The following SPTLC3 variants were observed in gnomAD, a reference collection of about 807,000 sequenced individuals.
SPTLC3 encodes the protein serine palmitoyltransferase long chain base subunit 3.
Under a neutral mutation model 59.3 loss-of-function variants are expected in SPTLC3, and 36 were observed. That is an observed-to-expected ratio of 0.61 (90% CI 0.47 to 0.80). The LOEUF (loss-of-function observed/expected upper bound fraction) is 0.80, where lower values mean the gene tolerates loss of function less well. Ranked by LOEUF, SPTLC3 falls within the 30% of genes least tolerant of loss-of-function variation. The probability of loss-of-function intolerance (pLI) is 0.00; values close to 1 mark genes in which losing one functional copy is unlikely to be tolerated. For missense variants in SPTLC3, 625 were observed against 685.1 expected (o/e 0.91, Z 0.98); for synonymous variants, 257 against 240.8 (o/e 1.07, Z -0.62).
intron 1 of SPTLC3, among the ~76,000 whole-genome samples, chr20:13,043,141 C>T (rs1165586368): frequency 6.6e-6 from 1 of 152,154 alleles, no homozygotes. Context: ...TTGTGTTCTC[C>T]CTCAGAGAAG....
rs1055883948 is a variant in SPTLC3, at chr20:13,074,566, T to C, written c.607+69T>C. ...AGATTCCTTGTGTCTGTCTCTCAAA[T>C]CTAGATCATATTTGGACTGTGTCCC... is the stretch of plus-strand genomic sequence containing the variant. On this transcript the variant is annotated intron_variant, in intron 4 of 11. Coordinates refer to ENST00000399002, the MANE Select transcript of SPTLC3 (RefSeq NM_018327.4). 2.6e-6 allele frequency: 4 copies of C among 1,513,344 alleles called. No individual in the cohort carries two copies. The African/African-American group carries it at 4.2e-5, about 16-fold the overall frequency. 93.7% of individuals were successfully genotyped at this position (1,513,344 alleles called of 1,614,324 possible).
chr20:13,049,582 C>G (rs76416709), intron 2 of SPTLC3: 5,341 of 153,814 alleles, frequency 0.035, 305 homozygotes, highest in African/African-American at 0.13. Context: ...AATCTGATTT[C>G]TCACCTTTGA....
rs925564953 is a variant in SPTLC3 at position 13,166,521 on chromosome 20, T to A, written c.*1654T>A. 1 of 152,214 alleles carries A rather than the reference T, an allele frequency of 6.6e-6. No individual in the cohort carries two copies. Among genetic ancestry groups the A allele is most frequent in the Non-Finnish European group, 1.5e-5 (1 of 68,036 alleles). 9.4% of individuals were successfully genotyped at this position (152,214 alleles called of 1,614,324 possible). A position where few individuals can be genotyped will look rare whatever the true frequency, so the allele number is the denominator to read the frequency against. ...GCAGTTTCCCATCCAATGATTTTGA[T>A]AACAAAATTCCAACTTTTCTCAATG... On this transcript the variant is annotated 3_prime_UTR_variant, in exon 12 of 12. Transcript: ENST00000399002.
intron 1 of SPTLC3, among the ~76,000 whole-genome samples, chr20:13,014,496 T>C (rs1985419806): frequency 6.6e-6 from 1 of 152,142 alleles, no homozygotes; most frequent in South Asian, 2.1e-4. Flanking sequence ...GATGAGTTCA[T>C]GGTAGGAGGT....
chr20:13,081,809 G>A (rs1988850375), intron 4 of SPTLC3, among the ~76,000 whole-genome samples: 1 of 152,106 alleles, frequency 6.6e-6, no homozygotes, highest in South Asian at 2.1e-4. Context: ...TCCAATTAAT[G>A]AGATTTTATT....
rs184947361 is a variant in SPTLC3 at position 13,090,767 on chromosome 20, T to G, written c.608-316T>G. On this transcript the variant is annotated intron_variant, in intron 4 of 11. Transcript: ENST00000399002. ...TTTATGTAAACGAAATGATACAGCC[T>G]GTACTTTTTTAGATGTCTGACTTTT... 1.4e-4 allele frequency among the ~76,000 whole-genome samples: 21 copies of G among 152,366 alleles called. No homozygotes were observed. In the South Asian group the frequency reaches 2.7e-3, roughly 20 times the overall value.
chr20:13,094,784 G>A (rs1022186933), intron 6 of SPTLC3, among the ~76,000 whole-genome samples: 4 of 152,114 alleles, frequency 2.6e-5, no homozygotes, highest in East Asian at 1.9e-4. Context: ...TTACTGAGCC[G>A]CTTTCAGTAG....
rs568076604 is a variant in SPTLC3 at position 13,162,170 on chromosome 20, G to C, written c.1545+2038G>C. ...TTTAGAAAATACCCTTGAAAATGTA[G>C]AAGGCTTGAGCATGTTTACACATTA... is the stretch of plus-strand genomic sequence containing the variant. On this transcript the variant is annotated intron_variant, in intron 11 of 11. Transcript: ENST00000399002. Among the ~76,000 whole-genome samples, 3 of 152,308 alleles carry C rather than the reference G, an allele frequency of 2.0e-5. No individual in the cohort carries two copies. In the East Asian group the frequency reaches 5.8e-4, roughly 29 times the overall value.
chr20:13,069,224 C>A (rs1240438117), intron 2 of SPTLC3, among the ~76,000 whole-genome samples: 2 of 152,102 alleles, frequency 1.3e-5, no homozygotes, highest in Non-Finnish European at 2.9e-5. Flanking sequence ...CTAGGTATGA[C>A]CGAAATCACT....
chr20:13,159,257 C>T (rs1046765201), intron 10 of SPTLC3, among the ~76,000 whole-genome samples: 11 of 152,346 alleles, frequency 7.2e-5, no homozygotes, highest in South Asian at 4.1e-4. Context: ...TATGACTTAA[C>T]GTCCTATAGG....
At chr20:13,033,685 T>A (rs1047727137) in intron 1 of SPTLC3, among the ~76,000 whole-genome samples, 1 of 152,166 alleles carries the variant, frequency 6.6e-6, no homozygotes, top group African/African-American at 2.4e-5. Flanking sequence ...TAATAAGAGA[T>A]AATGGAAGCT....
At chr20:13,095,806 A>ACTC (rs142214036) in intron 6 of SPTLC3, among the ~76,000 whole-genome samples, 105 of 151,688 alleles carry the variant, frequency 6.9e-4, no homozygotes, top group African/African-American at 2.5e-3. Context: ...AATTATCCTC[A>ACTC]CTCTTCCTCT....
At chr20:13,010,295 G>A (rs1985170998) in intron 1 of SPTLC3, among the ~76,000 whole-genome samples, 1 of 152,088 alleles carries the variant, frequency 6.6e-6, no homozygotes, top group African/African-American at 2.4e-5. Context: ...AGTGGCACAG[G>A]GAGCCCCATG....
At chr20:13,149,436 G>A (rs990067993) in intron 9 of SPTLC3, among the ~76,000 whole-genome samples, 1 of 152,228 alleles carries the variant, frequency 6.6e-6, no homozygotes, top group Admixed American at 6.5e-5. Flanking sequence ...GTTTAGATGA[G>A]TAGCGTTTTA....
intron 2 of SPTLC3, among the ~76,000 whole-genome samples, chr20:13,060,490 T>A (rs1386175852): frequency 6.6e-6 from 1 of 152,024 alleles, no homozygotes; most frequent in East Asian, 1.9e-4. Context: ...AAGAATGCAG[T>A]TTTGTTACAT....
intron 8 of SPTLC3, among the ~76,000 whole-genome samples, chr20:13,121,015 T>C (rs2037853404): frequency 6.6e-6 from 1 of 152,238 alleles, no homozygotes; most frequent in Non-Finnish European, 1.5e-5. Flanking sequence ...CATGAATGGC[T>C]TCTTTGAAGG....
At chr20:13,077,756 T>C (rs1332592660) in intron 4 of SPTLC3, among the ~76,000 whole-genome samples, 1 of 151,622 alleles carries the variant, frequency 6.6e-6, no homozygotes, top group East Asian at 1.9e-4. Context: ...TTTGAAATAG[T>C]AATTTCTATT....
rs761780909 is a variant in SPTLC3 at position 13,126,575 on chromosome 20, C to T, written c.1153-16C>T. ...ATTTATTTGCCTTCTTTTTGGGTTT[C>T]CCCTCTTTATTTAAGGACCTCGTGG... is the stretch of plus-strand genomic sequence containing the variant. On this transcript the variant is annotated splice_polypyrimidine_tract_variant and intron_variant, in intron 8 of 11. Coordinates refer to ENST00000399002, the MANE Select transcript of SPTLC3 (RefSeq NM_018327.4). The T allele has an allele frequency of 4.3e-6, 7 of 1,612,326 alleles. No individual in the cohort carries two copies. The highest frequency in any genetic ancestry group is 5.9e-6 in the Non-Finnish European group (7 of 1,179,186).
intron 3 of SPTLC3, among the ~76,000 whole-genome samples, chr20:13,073,460 A>C (rs1020319608): frequency 6.6e-6 from 1 of 152,082 alleles, no homozygotes; most frequent in African/African-American, 2.4e-5. Context: ...GGCCAGACCT[A>C]AGGCCCCTCC....
Sources: gnomAD v4.1 joint callset for allele counts (sites outside exome capture counted in the v4.1 genomes callset) on GRCh38, gnomAD v4.1.1 for gene constraint, MANE v1.5 for transcripts, NCBI Gene and HGNC (gene_info 2026-07-23, HGNC 2026-07-21) for gene names.